LIPJ: variants seen among roughly 807,000 people sequenced by gnomAD.
LIPJ encodes lipase member J.
A neutral mutation model predicts 39.8 loss-of-function variants in LIPJ; 33 were observed. That is an observed-to-expected ratio of 0.83 (90% CI 0.63 to 1.11). The LOEUF (loss-of-function observed/expected upper bound fraction) is 1.11. LIPJ is among the 50% of genes least tolerant of loss of function. The pLI, the probability that LIPJ is intolerant of heterozygous loss-of-function variation, is 0.00. For missense variants in LIPJ, 422 were observed against 427.9 expected, an observed-to-expected ratio of 0.99 and a Z score of 0.12; for synonymous variants, 128 against 139.2, an observed-to-expected ratio of 0.92 and a Z score of 0.57.
intron 8 of LIPJ, among the ~76,000 whole-genome samples, chr10:88,601,546 T>A (rs913940662): frequency 3.3e-5 from 5 of 152,112 alleles, no homozygotes; most frequent in African/African-American, 1.2e-4. Context: ...ACTACCATTC[T>A]CTGTTTGGCT....
exon 7 of LIPJ, chr10:88,596,375 C>G: frequency 6.4e-7 from 1 of 1,551,594 alleles, no homozygotes; most frequent in Non-Finnish European, 8.7e-7. Flanking sequence ...CTTAAAAAGT[C>G]CTTTAATTAG....
At chr10:88,592,760 A>G (rs1851122152) in intron 4 of LIPJ, 1 of 151,884 alleles carries the variant, frequency 6.6e-6, no homozygotes, top group African/African-American at 2.4e-5. Context: ...TAAACCCTTA[A>G]AAAGCAACAC....
At chr10:88,613,770 G>GTATATATATATATATA in the LIPJ span, among the ~76,000 whole-genome samples, 1,047 of 75,214 alleles carry the variant, frequency 0.014, 25 homozygotes, top group Non-Finnish European at 0.023. Context: ...ATGTGTGTGT[G>GTATATATATATATATA]TATATATATA....
At chr10:88,596,713 G>T (rs17109867) in intron 7 of LIPJ, 77 bp from the exon 8 acceptor site, 1 of 1,254,408 alleles carries the variant, frequency 8.0e-7, no homozygotes, top group African/African-American at 1.5e-5. Context: ...TGGTTTTATA[G>T]ATAGTGAATT....
At chr10:88,591,400 G>A (rs748220947) in exon 4 of LIPJ, 1 of 1,603,212 alleles carries the variant, frequency 6.2e-7, no homozygotes, top group Admixed American at 1.7e-5. Flanking sequence ...TCCTACTGGG[G>A]CTACCCTGAT....
chr10:88,584,369 CAA>C (rs1850832008), upstream of LIPJ: 1 of 151,822 alleles, frequency 6.6e-6, no homozygotes, highest in African/African-American at 2.4e-5. Context: ...ATACACAAAA[CAA>C]AATACAAATA....
chr10:88,583,714 T>G (rs988515666), upstream of LIPJ: 4 of 985,706 alleles, frequency 4.1e-6, no homozygotes, highest in African/African-American at 1.7e-5. Flanking sequence ...TCTTTTGGAA[T>G]CTGGGAGACA....
At chr10:88,586,833 G>C (rs1209789627) in exon 1 of LIPJ, 1 of 152,126 alleles carries the variant, frequency 6.6e-6, no homozygotes, top group Admixed American at 6.5e-5. Flanking sequence ...CTTAAATGAA[G>C]ATAGACCGGA....
intron 9 of LIPJ, among the ~76,000 whole-genome samples, chr10:88,604,835 AG>A (rs1016005472): frequency 6.6e-6 from 1 of 152,180 alleles, no homozygotes; most frequent in African/African-American, 2.4e-5. Flanking sequence ...TGACATGTAA[AG>A]CCAAGAGAGT....
chr10:88,598,980 A>ATT, intron 8 of LIPJ, among the ~76,000 whole-genome samples: 6 of 142,284 alleles, frequency 4.2e-5, no homozygotes, highest in African/African-American at 1.3e-4. Context: ...ATATTATTAC[A>ATT]ATAATATAAA....
chr10:88,590,208 A>G (rs1019009650), intron 2 of LIPJ, among the ~76,000 whole-genome samples: 3 of 151,794 alleles, frequency 2.0e-5, no homozygotes, highest in Admixed American at 6.6e-5. Context: ...ACAATTAAAT[A>G]TATGTTAAAT....
chr10:88,604,851 A>C (rs1851610497), intron 9 of LIPJ, among the ~76,000 whole-genome samples: 1 of 152,178 alleles, frequency 6.6e-6, no homozygotes, highest in Non-Finnish European at 1.5e-5. Flanking sequence ...GAGAGTGAGA[A>C]TACAAAAAGC....
chr10:88,602,532 T>G, intron 8 of LIPJ, 44 bp from the exon 9 acceptor site: 2 of 1,392,366 alleles, frequency 1.4e-6, no homozygotes, highest in Non-Finnish European at 2.0e-6. Context: ...TCTCTATGAT[T>G]CAACTTATAT....
chr10:88,620,103 CTT>C, the LIPJ span, among the ~76,000 whole-genome samples: 1 of 151,180 alleles, frequency 6.6e-6, no homozygotes, highest in Non-Finnish European at 1.5e-5. Context: ...TATGGGAAAA[CTT>C]TTTTTTTGTT....
At chr10:88,599,031 T>C (rs1260387919) in intron 8 of LIPJ, among the ~76,000 whole-genome samples, 1 of 145,698 alleles carries the variant, frequency 6.9e-6, no homozygotes, top group Non-Finnish European at 1.5e-5. Context: ...ATTAATTTAA[T>C]ATATAGAGGA....
chr10:88,615,980 G>C, the LIPJ span, among the ~76,000 whole-genome samples: 6 of 152,196 alleles, frequency 3.9e-5, no homozygotes, highest in Non-Finnish European at 8.8e-5. Flanking sequence ...GGGAAGCCAA[G>C]GTGGGAGGAT....
At chr10:88,597,993 A>T (rs768636501) in intron 8 of LIPJ, among the ~76,000 whole-genome samples, 12 of 151,996 alleles carry the variant, frequency 7.9e-5, no homozygotes, top group Middle Eastern at 3.4e-3. Context: ...AAAAGCTTAC[A>T]CTCTGGTTTT....
chr10:88,599,786 T>C (rs1240361817), intron 8 of LIPJ, among the ~76,000 whole-genome samples: 1 of 151,670 alleles, frequency 6.6e-6, no homozygotes, highest in Non-Finnish European at 1.5e-5. Flanking sequence ...TCCTCAAAGA[T>C]ATTTTAAAGC....
At chr10:88,610,869 G>C (rs1268733140), downstream of LIPJ, among the ~76,000 whole-genome samples, 1 of 152,208 alleles carries the variant, frequency 6.6e-6, no homozygotes, top group African/African-American at 2.4e-5. Context: ...AATTTAATTT[G>C]AAATTAGTCA....
Sources: allele counts gnomAD v4.1 joint callset (sites outside exome capture counted in the v4.1 genomes callset), GRCh38; gene constraint gnomAD v4.1.1; transcripts MANE v1.5; gene names NCBI Gene and HGNC (gene_info 2026-07-23, HGNC 2026-07-21).